Variants in CACNA1A observed in about 807,000 individuals in gnomAD.
CACNA1A encodes the protein calcium voltage-gated channel subunit alpha1 A.
In CACNA1A, 57 loss-of-function variants were observed where a neutral mutation model predicts 262.4. The ratio of observed to expected loss-of-function variants is 0.22; its 90% CI spans 0.18 to 0.27. CACNA1A has a LOEUF of 0.27. Among genes scored for constraint, CACNA1A ranks in the 10% least tolerant of loss-of-function variants. The probability of loss-of-function intolerance (pLI) is 1.00; values close to 1 mark genes in which losing one functional copy is unlikely to be tolerated. For missense variants in CACNA1A, 2,526 were observed against 3,562.8 expected (o/e 0.71, Z 7.41); for synonymous variants, 1,431 against 1,419.3 (o/e 1.01, Z -0.18).
chr19:13,345,571 A>AT (rs2058749246), intron 6 of CACNA1A, among the ~76,000 whole-genome samples: 1 of 152,000 alleles, frequency 6.6e-6, no homozygotes, highest in Non-Finnish European at 1.5e-5. Flanking sequence ...TTTTCCTCTA[A>AT]TTTTTTTGAG....
chr19:13,282,879 C>T (rs529803874), intron 22 of CACNA1A, among the ~76,000 whole-genome samples: 1 of 152,166 alleles, frequency 6.6e-6, no homozygotes, highest in Non-Finnish European at 1.5e-5. Context: ...TTCAAAGCTT[C>T]GTGTACAAAG....
At chr19:13,277,347 G>A (rs989230728) in intron 22 of CACNA1A, 8 of 474,224 alleles carry the variant, frequency 1.7e-5, no homozygotes, top group Middle Eastern at 1.2e-3. Context: ...CCAGCAGATG[G>A]CAGCAAATCC....
intron 4 of CACNA1A, among the ~76,000 whole-genome samples, chr19:13,368,768 G>A (rs1302616778): frequency 7.7e-6 from 1 of 129,234 alleles, no homozygotes; most frequent in Admixed American, 7.5e-5. Flanking sequence ...GCCGGGCGCG[G>A]TGGCTCACGC....
intron 36 of CACNA1A, among the ~76,000 whole-genome samples, chr19:13,227,900 T>C (rs1264703604): frequency 8.2e-6 from 1 of 122,222 alleles, no homozygotes; most frequent in Non-Finnish European, 1.7e-5. Flanking sequence ...TTTTGTTCAT[T>C]GCCTTTTTTT....
At chr19:13,373,026 A>G (rs2059350564) in intron 3 of CACNA1A, among the ~76,000 whole-genome samples, 1 of 152,248 alleles carries the variant, frequency 6.6e-6, no homozygotes, top group Non-Finnish European at 1.5e-5. Context: ...AGTGATGTAC[A>G]GTGCGTGGTC....
Position 13,312,745 on chromosome 19 carries a change from G to A in CACNA1A, c.1592C>T (p.Ser531Phe). 1 of 1,587,458 alleles carries A rather than the reference G, an allele frequency of 6.3e-7. No individual in the cohort carries two copies. Among genetic ancestry groups the A allele is most frequent in the Non-Finnish European group, 8.6e-7 (1 of 1,168,594 alleles). Residue 531 changes from serine (S) to phenylalanine (F), a missense_variant, in exon 12 of 47, where the codon TCC (serine) becomes TTC (phenylalanine). By Grantham distance (155) the Ser-to-Phe change is radical. Coordinates refer to ENST00000360228, the MANE Select transcript of CACNA1A (RefSeq NM_001127222.2). ...AEFIFLGLFM[S>F]EMFIKMYGLG... ...CCCGTACATTTTTATAAACATTTCGGACATAAAGAGTCCTAAGAAAATGAA... is the reference window on the plus strand; with the variant it reads ...CCCGTACATTTTTATAAACATTTCGAACATAAAGAGTCCTAAGAAAATGAA...
At chr19:13,349,663 T>C (rs762493204) in intron 6 of CACNA1A, among the ~76,000 whole-genome samples, 4 of 152,196 alleles carry the variant, frequency 2.6e-5, no homozygotes, top group Non-Finnish European at 4.4e-5. Flanking sequence ...TGGGAGGCTA[T>C]AAATGGCAGA....
chr19:13,464,332 G>A (rs2061180146), intron 1 of CACNA1A, among the ~76,000 whole-genome samples: 1 of 152,124 alleles, frequency 6.6e-6, no homozygotes, highest in African/African-American at 2.4e-5. Flanking sequence ...CTGGGAATTT[G>A]AGGCTGCATT....
At chr19:13,388,689 G>A (rs1011801515) in intron 3 of CACNA1A, among the ~76,000 whole-genome samples, 14 of 152,088 alleles carry the variant, frequency 9.2e-5, no homozygotes, top group African/African-American at 3.1e-4. Flanking sequence ...ATTCATTCAT[G>A]CATTAATTCC....
intron 30 of CACNA1A, among the ~76,000 whole-genome samples, chr19:13,250,064 T>TG (rs1392003696): frequency 2.7e-5 from 4 of 148,248 alleles, no homozygotes; most frequent in Non-Finnish European, 6.0e-5. Context: ...TCACCTTAAT[T>TG]TTTTTTTTTT....
In CACNA1A at chr19:13,267,390, C is replaced by CCCCCG. The variant is rs539144547; in HGVS notation, c.3990-4562_3990-4558dup. ...GAAGCCGCCCCCACCTCCATTCAGTCCCCCGCCCTTGGCAGGCACCTGGCA... is the reference window on the plus strand; with the variant it reads ...GAAGCCGCCCCCACCTCCATTCAGTCCCCCGCCCCGCCCTTGGCAGGCACCTGGCA... On this transcript the variant is annotated intron_variant, in intron 24 of 46. Transcript: ENST00000360228. 1.1e-3 allele frequency among the ~76,000 whole-genome samples: 166 copies of CCCCCG among 152,280 alleles called. 1 individual carries two copies. The highest frequency in any genetic ancestry group is 2.0e-3 in the Non-Finnish European group (137 of 68,020).
intron 10 of CACNA1A, among the ~76,000 whole-genome samples, chr19:13,326,666 A>G (rs1422623335): frequency 6.6e-6 from 1 of 150,780 alleles, no homozygotes; most frequent in African/African-American, 2.4e-5. Flanking sequence ...GTGTACACCT[A>G]TAGTCCCAGC....
intron 6 of CACNA1A, among the ~76,000 whole-genome samples, chr19:13,337,290 G>A (rs572149688): frequency 4.1e-4 from 62 of 152,320 alleles, no homozygotes; most frequent in African/African-American, 1.4e-3. Context: ...AGAGCTGTGA[G>A]ACAGAATCTG....
At chr19:13,334,810 G>C (rs2058534892) in intron 7 of CACNA1A, among the ~76,000 whole-genome samples, 1 of 152,030 alleles carries the variant, frequency 6.6e-6, no homozygotes, top group Admixed American at 6.6e-5. Context: ...TGAGATGGGA[G>C]TATCATTTAA....
chr19:13,311,383 AC>A (rs1390699437), intron 12 of CACNA1A, among the ~76,000 whole-genome samples: 1 of 152,024 alleles, frequency 6.6e-6, no homozygotes, highest in African/African-American at 2.4e-5. Context: ...GAGGCATCAC[AC>A]CCGGCTTTCT....
intron 6 of CACNA1A, among the ~76,000 whole-genome samples, chr19:13,338,911 G>C (rs1173034943): frequency 6.6e-6 from 1 of 152,126 alleles, no homozygotes; most frequent in South Asian, 2.1e-4. Flanking sequence ...TGTTGCCGAG[G>C]CTGGAGTGCA....
intron 12 of CACNA1A, among the ~76,000 whole-genome samples, chr19:13,311,570 G>C (rs1215974266): frequency 6.6e-6 from 1 of 152,226 alleles, no homozygotes; most frequent in Non-Finnish European, 1.5e-5. Context: ...GGGTGTGGTG[G>C]CTCACGCCTG....
chr19:13,471,829 T>A (rs1978285430), intron 1 of CACNA1A, among the ~76,000 whole-genome samples: 1 of 152,242 alleles, frequency 6.6e-6, no homozygotes, highest in East Asian at 1.9e-4. Flanking sequence ...ATACAGGGTT[T>A]TCTGGAGGGG....
In CACNA1A at chr19:13,299,010, C is replaced by G; in HGVS notation, c.2623G>C (p.Ala875Pro). The G allele has an allele frequency of 1.3e-6, 2 of 1,583,920 alleles. No homozygotes were observed. Among genetic ancestry groups the G allele is most frequent in the Non-Finnish European group, 8.5e-7 (1 of 1,171,948 alleles). The change falls in exon 19 of 47, where the codon GCG (alanine) becomes CCG (proline). Residue 875 changes from alanine (A) to proline (P), a missense_variant. Physicochemically the swap from Ala to Pro is conservative, Grantham distance 27 (BLOSUM62 -1). Transcript: ENST00000360228. ...HDRARDPSGSAGLDARRPWAG... is the reference protein window; with the variant it reads ...HDRARDPSGSPGLDARRPWAG... The stretch of plus-strand genomic sequence containing the variant: ...CAGGGCCTCCGTGCGTCCAGGCCCG[C>G]CGAGCCGCTGGGGTCCCGGGCCCGA...
Sources: gnomAD v4.1 joint callset for allele counts (sites outside exome capture counted in the v4.1 genomes callset) on GRCh38, gnomAD v4.1.1 for gene constraint, MANE v1.5 for transcripts, NCBI Gene and HGNC (gene_info 2026-07-23, HGNC 2026-07-21) for gene names.